CIMIP5: variants seen among roughly 807,000 people sequenced by gnomAD.
The protein encoded by CIMIP5 is ciliary microtubule inner protein 5.
the CIMIP5 span, among the ~76,000 whole-genome samples, chr2:11,134,003 G>T: frequency 6.6e-6 from 1 of 152,048 alleles, no homozygotes; most frequent in African/African-American, 2.4e-5. Flanking sequence ...TGCAACAAGG[G>T]ACTAGACAGA....
At chr2:11,148,573 C>T in the CIMIP5 span, among the ~76,000 whole-genome samples, 2 of 151,994 alleles carry the variant, frequency 1.3e-5, no homozygotes, top group Admixed American at 6.6e-5. Flanking sequence ...ATATGAGCAT[C>T]GAAATGAAGA....
At chr2:11,143,213 C>G in the CIMIP5 span, among the ~76,000 whole-genome samples, 1 of 152,144 alleles carries the variant, frequency 6.6e-6, no homozygotes, top group Non-Finnish European at 1.5e-5. Flanking sequence ...GAGTACAGTT[C>G]ACACCATGGA....
the CIMIP5 span, among the ~76,000 whole-genome samples, chr2:11,152,978 C>T: frequency 6.6e-6 from 1 of 152,190 alleles, no homozygotes; most frequent in Non-Finnish European, 1.5e-5. Context: ...ATACGTTGAG[C>T]ACCTATTCTG....
the CIMIP5 span, among the ~76,000 whole-genome samples, chr2:11,141,993 C>T: frequency 2.6e-5 from 4 of 151,924 alleles, no homozygotes; most frequent in South Asian, 2.1e-4. Flanking sequence ...CAGCTGGATG[C>T]GGTGGCTCAC....
the CIMIP5 span, among the ~76,000 whole-genome samples, chr2:11,148,732 C>CTTTTTTTTTTT: frequency 0.023 from 805 of 35,478 alleles, 87 homozygotes; most frequent in Middle Eastern, 0.042. Context: ...AATGAAAACT[C>CTTTTTTTTTTT]TTTTTTTTTT....
At chr2:11,147,806 A>C in the CIMIP5 span, among the ~76,000 whole-genome samples, 1 of 152,070 alleles carries the variant, frequency 6.6e-6, no homozygotes, top group East Asian at 1.9e-4. Context: ...TTTCAAGAAG[A>C]CGCCTGCTTC....
the CIMIP5 span, among the ~76,000 whole-genome samples, chr2:11,135,658 G>A: frequency 1.3e-5 from 2 of 148,980 alleles, no homozygotes; most frequent in Non-Finnish European, 3.0e-5. Context: ...TTTTTTTGGG[G>A]TTTTTTTGGT....
chr2:11,147,807 C>T, the CIMIP5 span, among the ~76,000 whole-genome samples: 37 of 152,280 alleles, frequency 2.4e-4, no homozygotes, highest in East Asian at 5.8e-4. Flanking sequence ...TTCAAGAAGA[C>T]GCCTGCTTCT....
chr2:11,149,416 T>C, the CIMIP5 span, among the ~76,000 whole-genome samples: 20 of 152,192 alleles, frequency 1.3e-4, no homozygotes, highest in East Asian at 3.5e-3. Context: ...TTCAAAAATG[T>C]CAATGTCTGC....
the CIMIP5 span, among the ~76,000 whole-genome samples, chr2:11,147,921 G>A: frequency 6.6e-6 from 1 of 152,170 alleles, no homozygotes; most frequent in African/African-American, 2.4e-5. Context: ...GCCAGAACAA[G>A]GGAGGGTGGA....
the CIMIP5 span, among the ~76,000 whole-genome samples, chr2:11,142,369 G>C: frequency 3.3e-5 from 5 of 152,200 alleles, no homozygotes; most frequent in South Asian, 1.0e-3. Context: ...GACCCTGCCA[G>C]GTTGAGGAAA....
chr2:11,133,569 G>A, the CIMIP5 span: 3 of 1,602,846 alleles, frequency 1.9e-6, no homozygotes, highest in East Asian at 2.2e-5. Flanking sequence ...CCTGGAGGCC[G>A]AGCGGCGGGG....
At chr2:11,149,821 G>A in the CIMIP5 span, among the ~76,000 whole-genome samples, 20 of 152,192 alleles carry the variant, frequency 1.3e-4, no homozygotes, top group African/African-American at 4.6e-4. Flanking sequence ...TGGATCCTGG[G>A]TGAAAGCAAA....
At chr2:11,141,709 A>G in the CIMIP5 span, among the ~76,000 whole-genome samples, 1 of 152,210 alleles carries the variant, frequency 6.6e-6, no homozygotes, top group Admixed American at 6.5e-5. Context: ...GAGGCCAGGA[A>G]TGGTGGCCCA....
At chr2:11,146,780 C>T in the CIMIP5 span, 1 of 152,242 alleles carries the variant, frequency 6.6e-6, no homozygotes, top group African/African-American at 2.4e-5. Flanking sequence ...GCCAGGACAG[C>T]CAGGGGTCCT....
At chr2:11,147,118 T>C in the CIMIP5 span, among the ~76,000 whole-genome samples, 2 of 152,216 alleles carry the variant, frequency 1.3e-5, no homozygotes, top group Admixed American at 6.5e-5. Context: ...ATGCAACCTA[T>C]AAGCACAGAC....
At chr2:11,154,569 T>A in the CIMIP5 span, among the ~76,000 whole-genome samples, 1 of 152,210 alleles carries the variant, frequency 6.6e-6, no homozygotes, top group African/African-American at 2.4e-5. Flanking sequence ...TTTTCAGAGG[T>A]TGGAAAATGC....
chr2:11,138,969 G>C, the CIMIP5 span, among the ~76,000 whole-genome samples: 3 of 151,914 alleles, frequency 2.0e-5, no homozygotes, highest in Non-Finnish European at 4.4e-5. Flanking sequence ...CCAGGCTGGA[G>C]TGCAGTGGCT....
chr2:11,153,717 C>T, the CIMIP5 span, among the ~76,000 whole-genome samples: 1 of 152,068 alleles, frequency 6.6e-6, no homozygotes, highest in Non-Finnish European at 1.5e-5. Context: ...GAGGCCAAGG[C>T]AGGTGGATCA....
Sources: gnomAD v4.1 joint callset for allele counts (sites outside exome capture counted in the v4.1 genomes callset) on GRCh38, gnomAD v4.1.1 for gene constraint, MANE v1.5 for transcripts, NCBI Gene and HGNC (gene_info 2026-07-23, HGNC 2026-07-21) for gene names.